HSPG2: variants seen among roughly 807,000 people sequenced by gnomAD.
HSPG2 encodes basement membrane-specific heparan sulfate proteoglycan core protein.
In HSPG2, 278 loss-of-function variants were observed where a neutral mutation model predicts 526.6. That is an observed-to-expected ratio of 0.53 (90% confidence interval 0.48 to 0.58). The LOEUF is 0.58. HSPG2 is among the 20% of genes least tolerant of loss of function. The pLI is 0.00. For synonymous variants in HSPG2, 2,465 were observed against 2,555.4 expected, an observed-to-expected ratio of 0.96 and a Z score of 1.07; for missense variants, 5,354 against 6,099.5, an observed-to-expected ratio of 0.88 and a Z score of 4.07.
At chr1:21,926,888 G>A (rs1034908904) in intron 1 of HSPG2, among the ~76,000 whole-genome samples, 1 of 151,936 alleles carries the variant, frequency 6.6e-6, no homozygotes, top group East Asian at 1.9e-4. Context: ...GAAGAGGCAT[G>A]ATCCCAGTTC....
At position 21,828,490 on chromosome 1, in the gene HSPG2, C is replaced by T; in HGVS notation, c.12238-64G>A. 6.4e-7 allele frequency: 1 copy of T among 1,550,616 alleles called. No homozygotes were observed. The stretch of plus-strand genomic sequence containing the variant: ...GGAGGCAGAGACCCAGGTGTACCAG[C>T]AGGGAGAAGAATGCAGCAGAGGGGA... On this transcript the variant is annotated intron_variant, in intron 88 of 96. Transcript: ENST00000374695. This position sits in a 1 kb window ranked among gnomAD's most constrained non-coding sequence, Gnocchi z 6.0.
chr1:21,935,982 T>C (rs374554232), intron 1 of HSPG2, among the ~76,000 whole-genome samples: 2 of 151,360 alleles, frequency 1.3e-5, no homozygotes, highest in East Asian at 3.9e-4. Flanking sequence ...CTCAGGAGGG[T>C]AGAGGTGCGA....
intron 13 of HSPG2, among the ~76,000 whole-genome samples, chr1:21,883,539 G>A (rs116197634): frequency 2.0e-3 from 308 of 152,118 alleles, no homozygotes; most frequent in African/African-American, 7.3e-3. Flanking sequence ...TACCCAGGCT[G>A]GTCTTGAACT....
Position 21,860,017 on chromosome 1 carries a change from C to T in HSPG2, c.5015-15G>A, listed in dbSNP as rs761517660. The stretch of plus-strand genomic sequence containing the variant: ...GGCTTGGTTTGCTGGGGGTGGGGGC[C>T]GGGACAGGAAGGGCCTTTCAGCATT... On this transcript the variant is annotated splice_polypyrimidine_tract_variant and intron_variant, in intron 40 of 96. Transcript: ENST00000374695. The T allele has an allele frequency of 4.4e-6, 7 of 1,608,862 alleles. No homozygotes were observed. Among genetic ancestry groups the T allele is most frequent in the East Asian group, 2.2e-5 (1 of 44,812 alleles).
In HSPG2 at chr1:21,839,394, G is replaced by T; in HGVS notation, c.9866C>A (p.Ala3289Asp). The T allele has an allele frequency of 6.2e-7, 1 of 1,613,414 alleles. No homozygotes were observed. Among genetic ancestry groups the T allele is most frequent in the South Asian group, 1.1e-5 (1 of 91,088 alleles). ...NATSPAGHAE[A>D]TIILHVESPP... ...ACTCTCCACGTGCAGGATGATGGTGGCCTCAGCGTGCCCAGCAGGGCTAGT... is the reference window on the plus strand; with the variant it reads ...ACTCTCCACGTGCAGGATGATGGTGTCCTCAGCGTGCCCAGCAGGGCTAGT... The change falls in exon 73 of 97, where the codon GCC becomes GAC. Residue 3289 changes from alanine to aspartate, a missense_variant. Coordinates refer to ENST00000374695, the MANE Select transcript of HSPG2 (RefSeq NM_005529.7). The surrounding 1 kb of genome is among the most constrained non-coding windows in gnomAD (Gnocchi z 4.5).
At chr1:21,830,201 C>A in intron 85 of HSPG2, 110 bp from the exon 86 acceptor site, 1 of 868,454 alleles carries the variant, frequency 1.2e-6, no homozygotes. Flanking sequence ...CTAGTGAGGG[C>A]CAGGCCAGCC....
chr1:21,908,863 C>T (rs1557820578), intron 1 of HSPG2, among the ~76,000 whole-genome samples: 1 of 152,284 alleles, frequency 6.6e-6, no homozygotes, highest in East Asian at 1.9e-4. Flanking sequence ...CGGTGGCTCA[C>T]GCCTATAATT....
rs1010247553 is a variant in HSPG2, at chr1:21,864,770, G to C, written c.4626+73C>G. ...TAGTTATGATGGTAATCAAGGCTGC[G>C]GCGACGCCGGCTGATTTGCTTGCTG... On this transcript the variant is annotated intron_variant, in intron 36 of 96. Transcript: ENST00000374695. The surrounding 1 kb of genome is among the most constrained non-coding windows in gnomAD (Gnocchi z 4.8). 4.2e-5 allele frequency: 53 copies of C among 1,265,880 alleles called. No individual in the cohort carries two copies. The highest frequency in any genetic ancestry group is 1.4e-4 in the Admixed American group (7 of 51,356). The allele number at this position is 1,265,880 out of a possible 1,614,324, so 78.4% of individuals were successfully genotyped here.
chr1:21,837,178 G>A (rs1210520350), intron 74 of HSPG2, among the ~76,000 whole-genome samples, 172 bp from the exon 75 acceptor site: 1 of 152,196 alleles, frequency 6.6e-6, no homozygotes, highest in Non-Finnish European at 1.5e-5. Context: ...TGCACACACA[G>A]CTGCCATTCC....
At chr1:21,894,495 A>C (rs1335552224) in intron 3 of HSPG2, among the ~76,000 whole-genome samples, 1 of 152,108 alleles carries the variant, frequency 6.6e-6, no homozygotes, top group Non-Finnish European at 1.5e-5. Context: ...TTTGGCCTGG[A>C]GGGTCTGAGG....
At chr1:21,838,789 G>A in intron 74 of HSPG2, 36 bp downstream of exon 74, 1 of 1,606,252 alleles carries the variant, frequency 6.2e-7, no homozygotes, top group Non-Finnish European at 8.5e-7. Context: ...CAGGAGGAAA[G>A]GTGATCCCCT....
At chr1:21,905,170 C>CA (rs1557815996) in intron 1 of HSPG2, among the ~76,000 whole-genome samples, 12,958 of 85,804 alleles carry the variant, frequency 0.15, 1,341 homozygotes, top group East Asian at 0.42. Flanking sequence ...CCACCACCCA[C>CA]CCACACACAC....
At chr1:21,870,196 G>A (rs1640540079) in intron 33 of HSPG2, 9 of 970,900 alleles carry the variant, frequency 9.3e-6, no homozygotes, top group Non-Finnish European at 1.1e-5. Flanking sequence ...ACCTGTCCTA[G>A]CCAGGTCCTC....
Position 21,842,371 on chromosome 1 carries a change from A to T in HSPG2, c.8920T>A (p.Ser2974Thr), listed in dbSNP as rs755089096. ...GAGACGAGGTGGAGCCGCAGCTGGG[A>T]GCCATGGGTCTGTCAGAGCAGCGAG... is the stretch of plus-strand genomic sequence containing the variant. ...SLPARHQTHG[S>T]QLRLHLVSPA... Residue 2974 changes from serine to threonine, a missense_variant, in exon 68 of 97, where the codon TCC (serine) becomes ACC (threonine). Ser to Thr is a moderately conservative substitution (Grantham distance 58). Transcript: ENST00000374695. 1.9e-6 allele frequency: 3 copies of T among 1,607,616 alleles called. No homozygotes were observed. The highest frequency in any genetic ancestry group is 1.3e-5 in the African/African-American group (1 of 74,966).
intron 33 of HSPG2, chr1:21,868,784 G>T: frequency 4.6e-6 from 1 of 215,322 alleles, no homozygotes; most frequent in Non-Finnish European, 8.0e-6. Context: ...CCCACCGTGA[G>T]CCTCGGTCTC....
At position 21,854,785 on chromosome 1, in the gene HSPG2, C is replaced by G. The variant is rs750431175; in HGVS notation, c.6134-20G>C. On this transcript the variant is annotated intron_variant, in intron 48 of 96. Transcript: ENST00000374695. ...CTGAGGCTGGGGCCAGAGTAGGGGT[C>G]AGCAGGCCCCAGGGGAGCCCTGGCT... is the stretch of plus-strand genomic sequence containing the variant. 1.2e-6 allele frequency: 2 copies of G among 1,613,126 alleles called. No homozygotes were observed. The highest frequency in any genetic ancestry group is 1.7e-6 in the Non-Finnish European group (2 of 1,179,630).
Position 21,855,294 on chromosome 1 carries a change from A to G in HSPG2, c.5997+10T>C. Reference sequence around the variant, plus strand: ...GGGCCTCCTCCTCCTGGGTGGGCCCATCTCCTCACCTGTGGTGGGAGGCTG... The same window carrying G: ...GGGCCTCCTCCTCCTGGGTGGGCCCGTCTCCTCACCTGTGGTGGGAGGCTG... On this transcript the variant is annotated intron_variant, in intron 47 of 96. Transcript: ENST00000374695. 6.3e-7 allele frequency: 1 copy of G among 1,599,868 alleles called. No individual in the cohort carries two copies. The highest frequency in any genetic ancestry group is 8.5e-7 in the Non-Finnish European group (1 of 1,174,240).
rs1400506422 is a variant in HSPG2 at position 21,842,888 on chromosome 1, GCCT to G, written c.8789_8791del (p.Glu2930del). 3 of 1,614,146 alleles carry G rather than the reference GCCT, an allele frequency of 1.9e-6. No individual in the cohort carries two copies. The highest frequency in any genetic ancestry group is 8.5e-7 in the Non-Finnish European group (1 of 1,180,038). On this transcript the variant is annotated inframe_deletion, in exon 67 of 97. Transcript: ENST00000374695. ...CCCTTCAGTCACGTGTGAAGAGGAG[GCCT>G]CGATGTAGATGGGCTGGGCCAGTCC...
chr1:21,880,233 G>A lies in HSPG2; in HGVS notation c.2217C>T (p.Gly739=). The A allele has an allele frequency of 6.2e-7, 1 of 1,614,230 alleles. No individual in the cohort carries two copies. The highest frequency in any genetic ancestry group is 8.5e-7 in the Non-Finnish European group (1 of 1,180,052). The change falls in exon 17 of 97, where the codon GGC becomes GGT. Residue 739 remains glycine (G), a synonymous_variant. Coordinates refer to ENST00000374695, the MANE Select transcript of HSPG2 (RefSeq NM_005529.7). ...EECRCPIGYS[G]LSCESCDAHF... ...GGGCATCACAGCTCTCGCAGGACAA[G>A]CCAGAATAGCCAATGGGGCATCTGT...
Sources: gnomAD v4.1 joint callset for allele counts (sites outside exome capture counted in the v4.1 genomes callset) on GRCh38, gnomAD v4.1.1 for gene constraint, Gnocchi (gnomAD v3.1) non-coding constraint, MANE v1.5 for transcripts, NCBI Gene and HGNC (gene_info 2026-07-23, HGNC 2026-07-21) for gene names.